Variants in TCF4 observed in about 807,000 individuals in gnomAD.
TCF4 encodes transcription factor 4.
Under a neutral mutation model 82.1 loss-of-function variants are expected in TCF4, and 3 were observed. That is an observed-to-expected ratio of 0.04 (90% CI 0.02 to 0.09). The LOEUF (loss-of-function observed/expected upper bound fraction) is 0.09, where lower values mean the gene tolerates loss of function less well. TCF4 is among the 10% of genes least tolerant of loss of function. The pLI is 1.00. For missense variants in TCF4, 518 were observed against 852.7 expected (o/e 0.61, Z 4.89); for synonymous variants, 276 against 309.6 (o/e 0.89, Z 1.14).
intron 2 of TCF4, among the ~76,000 whole-genome samples, chr18:55,608,513 G>A (rs958419124): frequency 4.0e-5 from 6 of 151,866 alleles, no homozygotes; most frequent in African/African-American, 1.5e-4. Context: ...GTCTGTATGA[G>A]CCATTTAAAG....
Position 55,317,585 on chromosome 18 carries a change from C to A in TCF4, c.549+32774G>T, listed in dbSNP as rs553584903. On this transcript the variant is annotated intron_variant, in intron 8 of 19. Coordinates refer to ENST00000354452, the MANE Select transcript of TCF4 (RefSeq NM_001083962.2). The stretch of plus-strand genomic sequence containing the variant: ...ATGTACTGAAAAATGTTATTAGTGG[C>A]GTCATTTAAATATTGATCTTTTTAT... Among the ~76,000 whole-genome samples, 16 of 151,898 alleles carry A rather than the reference C, an allele frequency of 1.1e-4. No individual in the cohort carries two copies. In the East Asian group the frequency reaches 2.9e-3, roughly 28 times the overall value.
intron 8 of TCF4, among the ~76,000 whole-genome samples, chr18:55,308,175 C>T (rs1423251586): frequency 6.6e-6 from 1 of 152,132 alleles, no homozygotes; most frequent in African/African-American, 2.4e-5. Flanking sequence ...AACACAAAGT[C>T]AGGTTAGGGA....
chr18:55,525,189 T>A (rs920495734), intron 3 of TCF4, among the ~76,000 whole-genome samples: 1 of 152,026 alleles, frequency 6.6e-6, no homozygotes, highest in Non-Finnish European at 1.5e-5. Flanking sequence ...TTTTTTCACA[T>A]GCCATGTTCC....
At chr18:55,355,893 C>T (rs1278873256) in intron 6 of TCF4, among the ~76,000 whole-genome samples, 1 of 152,038 alleles carries the variant, frequency 6.6e-6, no homozygotes, top group Non-Finnish European at 1.5e-5. Flanking sequence ...TGTAACAAGT[C>T]AGAAGTAGAA....
intron 5 of TCF4, among the ~76,000 whole-genome samples, chr18:55,447,469 G>A (rs2095546605): frequency 1.3e-5 from 2 of 152,084 alleles, no homozygotes; most frequent in African/African-American, 2.4e-5. Flanking sequence ...TTGAAAGCAA[G>A]AAAAGTAGCA....
chr18:55,503,521 G>A (rs996425531), intron 3 of TCF4, among the ~76,000 whole-genome samples: 2 of 152,200 alleles, frequency 1.3e-5, no homozygotes, highest in Non-Finnish European at 2.9e-5. Context: ...AGGGTAAACA[G>A]AGATTCTACT....
In TCF4 at chr18:55,349,863, C is replaced by T. The variant is rs563148722; in HGVS notation, c.549+496G>A. On this transcript the variant is annotated intron_variant, in intron 8 of 19. Transcript: ENST00000354452. ...TAGTTGTCACCTGGTAGTAAAGACA[C>T]AAATGGCTACTGATGCAGCTACCTT... Among the ~76,000 whole-genome samples the T allele has an allele frequency of 3.2e-3, 485 of 152,212 alleles. 1 individual carries two copies. The highest frequency in any genetic ancestry group is 5.6e-3 in the Non-Finnish European group (379 of 67,996).
At chr18:55,403,065 T>C (rs752223055) in intron 6 of TCF4, among the ~76,000 whole-genome samples, 40 of 152,152 alleles carry the variant, frequency 2.6e-4, no homozygotes, top group Non-Finnish European at 5.1e-4. Context: ...TTTAGGGCAA[T>C]AGCCACCCGA....
At chr18:55,579,446 A>G (rs2097556852) in intron 3 of TCF4, among the ~76,000 whole-genome samples, 1 of 51,264 alleles carries the variant, frequency 2.0e-5, no homozygotes, top group Non-Finnish European at 4.6e-5. Context: ...AAAATAGCTC[A>G]TAAAATACAA....
chr18:55,399,966 T>A (rs2093726955), intron 6 of TCF4, among the ~76,000 whole-genome samples: 1 of 148,024 alleles, frequency 6.8e-6, no homozygotes, highest in African/African-American at 2.5e-5. Context: ...CTGGGCTATA[T>A]CCCAGAAAGA....
intron 8 of TCF4, among the ~76,000 whole-genome samples, chr18:55,342,892 T>C (rs1326177824): frequency 6.6e-6 from 1 of 152,118 alleles, no homozygotes; most frequent in Non-Finnish European, 1.5e-5. Flanking sequence ...TGCTTTCTCA[T>C]AGCAGCTAAT....
chr18:55,596,210 A>G (rs1365202727), intron 2 of TCF4: 6 of 345,222 alleles, frequency 1.7e-5, no homozygotes, highest in South Asian at 1.2e-4. Flanking sequence ...GGTCTGGATG[A>G]CAGAATGAGA....
chr18:55,603,163 T>G (rs2097698930), intron 2 of TCF4, among the ~76,000 whole-genome samples: 1 of 152,146 alleles, frequency 6.6e-6, no homozygotes, highest in African/African-American at 2.4e-5. Context: ...CGTGGAAGTA[T>G]ATCCTGGCCA....
intron 6 of TCF4, among the ~76,000 whole-genome samples, chr18:55,366,827 C>T (rs1022388981): frequency 6.6e-6 from 1 of 152,094 alleles, no homozygotes; most frequent in Admixed American, 6.6e-5. Flanking sequence ...CATATGTTTG[C>T]TCCATGGTCA....
In TCF4 at chr18:55,338,706, C is replaced by G. The variant is rs561987896; in HGVS notation, c.549+11653G>C. Reference sequence around the variant, plus strand: ...GATGAGAGTGAAGTATTCTCCCCCCCACAACAAATTCTGATTTATTTGCTA... The same window carrying G: ...GATGAGAGTGAAGTATTCTCCCCCCGACAACAAATTCTGATTTATTTGCTA... On this transcript the variant is annotated intron_variant, in intron 8 of 19. Coordinates refer to ENST00000354452, the MANE Select transcript of TCF4 (RefSeq NM_001083962.2). 1.1e-4 allele frequency among the ~76,000 whole-genome samples: 16 copies of G among 152,216 alleles called. No homozygotes were observed. The South Asian group carries it at 1.9e-3, about 18-fold the overall frequency.
intron 6 of TCF4, among the ~76,000 whole-genome samples, chr18:55,394,783 T>C (rs2093391572): frequency 6.6e-6 from 1 of 152,192 alleles, no homozygotes; most frequent in African/African-American, 2.4e-5. Context: ...GAAAGGTCCA[T>C]GCTTTAGGAA....
intron 2 of TCF4, among the ~76,000 whole-genome samples, chr18:55,613,594 G>T (rs1318818993): frequency 6.6e-6 from 1 of 152,110 alleles, no homozygotes; most frequent in Non-Finnish European, 1.5e-5. Flanking sequence ...TGGCTGGGAG[G>T]CGTCAAGAAA....
chr18:55,395,641 G>A (rs546576001), intron 6 of TCF4, among the ~76,000 whole-genome samples: 1 of 152,272 alleles, frequency 6.6e-6, no homozygotes, highest in East Asian at 1.9e-4. Context: ...ACCTGCTAAA[G>A]GTATTGTTTC....
At chr18:55,420,501 T>A (rs182764284) in intron 5 of TCF4, among the ~76,000 whole-genome samples, 1 of 152,272 alleles carries the variant, frequency 6.6e-6, no homozygotes, top group East Asian at 1.9e-4. Flanking sequence ...TTTCTCCAGT[T>A]TACTCAGTCA....
Sources: allele counts gnomAD v4.1 joint callset (sites outside exome capture counted in the v4.1 genomes callset), GRCh38; gene constraint gnomAD v4.1.1; transcripts MANE v1.5; gene names NCBI Gene and HGNC (gene_info 2026-07-23, HGNC 2026-07-21).